EXOC4: variants seen among roughly 807,000 people sequenced by gnomAD.
The protein encoded by EXOC4 is SEC8-like 1.
Under a neutral mutation model 107.2 loss-of-function variants are expected in EXOC4, and 71 were observed. That is an observed-to-expected ratio of 0.66 (90% CI 0.55 to 0.81). The LOEUF (loss-of-function observed/expected upper bound fraction) is 0.81. EXOC4 is among the 30% of genes least tolerant of loss of function. The probability of loss-of-function intolerance (pLI) is 0.00; values close to 1 mark genes in which losing one functional copy is unlikely to be tolerated. For missense variants in EXOC4, 1,108 were observed against 1,189.6 expected (o/e 0.93, Z 1.01); for synonymous variants, 456 against 441.2 (o/e 1.03, Z -0.42).
chr7:133,731,832 A>T (rs931826059), intron 10 of EXOC4, among the ~76,000 whole-genome samples: 3 of 152,202 alleles, frequency 2.0e-5, no homozygotes, highest in African/African-American at 7.2e-5. Context: ...ATTTAAACAA[A>T]TCAGACTATG....
the EXOC4 span, among the ~76,000 whole-genome samples, chr7:134,076,702 A>C: frequency 9.4e-6 from 1 of 106,138 alleles, no homozygotes. Context: ...ATCATCTATA[A>C]TTGTATATAT....
intron 9 of EXOC4, 49 bp downstream of exon 9, chr7:133,480,187 T>G (rs917088538): frequency 6.2e-7 from 1 of 1,600,824 alleles, no homozygotes; most frequent in East Asian, 2.2e-5. Flanking sequence ...GAGGAGTATT[T>G]CCTTTATTAC....
chr7:133,573,037 A>T (rs1294216781), intron 9 of EXOC4, among the ~76,000 whole-genome samples: 1 of 152,222 alleles, frequency 6.6e-6, no homozygotes, highest in Non-Finnish European at 1.5e-5. Context: ...CAAAGCACTT[A>T]CTATATATAG....
chr7:133,761,042 TTGA>T (rs1796022300), intron 10 of EXOC4, among the ~76,000 whole-genome samples: 1 of 152,178 alleles, frequency 6.6e-6, no homozygotes, highest in South Asian at 2.1e-4. Context: ...GTTCAGCCTA[TTGA>T]TGATAAGTGA....
intron 9 of EXOC4, chr7:133,480,855 A>G (rs989883819): frequency 1.3e-5 from 2 of 151,878 alleles, no homozygotes; most frequent in African/African-American, 4.8e-5. Context: ...GGAGTTCAAG[A>G]CCAGCCTGGG....
intron 14 of EXOC4, among the ~76,000 whole-genome samples, chr7:133,941,254 C>T (rs1322287270): frequency 1.3e-5 from 2 of 152,038 alleles, no homozygotes; most frequent in African/African-American, 4.8e-5. Context: ...GCCTCGGCCT[C>T]CCAAAGTGCT....
rs1387442801 is a variant in EXOC4 at position 133,942,355 on chromosome 7, TTAA to T, written c.2206+4288_2206+4290del. Reference sequence around the variant, plus strand: ...CTCTTCAGAAATTAAATAATTACTATTAATGACTATTTTCTCTATAAAATATTG... The same window carrying T: ...CTCTTCAGAAATTAAATAATTACTATTGACTATTTTCTCTATAAAATATTG... On this transcript the variant is annotated intron_variant, in intron 14 of 17. Coordinates refer to ENST00000253861, the MANE Select transcript of EXOC4 (RefSeq NM_021807.4). Among the ~76,000 whole-genome samples the T allele has an allele frequency of 3.3e-5, 5 of 152,246 alleles. No homozygotes were observed. In the East Asian group the frequency reaches 9.7e-4, roughly 29 times the overall value.
chr7:134,070,676 C>T (rs1796262041), downstream of EXOC4, among the ~76,000 whole-genome samples: 1 of 152,100 alleles, frequency 6.6e-6, no homozygotes, highest in Non-Finnish European at 1.5e-5. Context: ...GACATTTACA[C>T]ACCTGGAGCA....
chr7:133,340,114 T>C (rs1041956695), intron 5 of EXOC4, among the ~76,000 whole-genome samples: 24 of 152,198 alleles, frequency 1.6e-4, no homozygotes, highest in Non-Finnish European at 7.3e-5. Flanking sequence ...GCTTTCAACT[T>C]TTTCCCATTC....
chr7:133,759,144 A>ATTTTT (rs34768347), intron 10 of EXOC4, among the ~76,000 whole-genome samples: 6 of 140,628 alleles, frequency 4.3e-5, no homozygotes, highest in Non-Finnish European at 6.2e-5. Context: ...CAACAAAAGA[A>ATTTTT]TTTTTTTTTT....
chr7:133,572,538 A>C (rs894081965), intron 9 of EXOC4, among the ~76,000 whole-genome samples: 1 of 152,186 alleles, frequency 6.6e-6, no homozygotes, highest in African/African-American at 2.4e-5. Flanking sequence ...TTTTTAAAAA[A>C]ATTGATAGTC....
chr7:133,307,599 A>C (rs1337272071), intron 4 of EXOC4, among the ~76,000 whole-genome samples: 1 of 152,250 alleles, frequency 6.6e-6, no homozygotes, highest in African/African-American at 2.4e-5. Context: ...GGTTTCTCAA[A>C]AAATACAAGA....
At chr7:133,471,018 C>A (rs112912187) in intron 7 of EXOC4, among the ~76,000 whole-genome samples, 2 of 152,122 alleles carry the variant, frequency 1.3e-5, no homozygotes, top group Admixed American at 6.5e-5. Context: ...TAATACTAGG[C>A]ATCTGATGTT....
chr7:133,734,148 G>A (rs1795389154), intron 10 of EXOC4, among the ~76,000 whole-genome samples: 1 of 152,178 alleles, frequency 6.6e-6, no homozygotes, highest in Non-Finnish European at 1.5e-5. Flanking sequence ...ATTTGTACAG[G>A]TAAGTTGTTT....
intron 9 of EXOC4, chr7:133,576,715 C>T (rs1801138221): frequency 7.8e-7 from 1 of 1,289,572 alleles, no homozygotes; most frequent in Admixed American, 2.3e-5. Flanking sequence ...AGACTTGTTG[C>T]CAACATGGAG....
chr7:133,447,097 T>C (rs1057197011), intron 7 of EXOC4, among the ~76,000 whole-genome samples: 2 of 152,150 alleles, frequency 1.3e-5, no homozygotes, highest in African/African-American at 4.8e-5. Context: ...AGCTTTAGTT[T>C]TCAGTTTTGA....
At chr7:133,489,954 C>A (rs1202228252) in intron 9 of EXOC4, among the ~76,000 whole-genome samples, 1 of 152,132 alleles carries the variant, frequency 6.6e-6, no homozygotes, top group Non-Finnish European at 1.5e-5. Context: ...TTAATTCTGG[C>A]TAATAGGATG....
At chr7:133,371,753 G>C (rs1418435700) in intron 6 of EXOC4, among the ~76,000 whole-genome samples, 3 of 152,180 alleles carry the variant, frequency 2.0e-5, no homozygotes, top group African/African-American at 7.2e-5. Flanking sequence ...ATATAGCTAG[G>C]AATGGAATCA....
intron 17 of EXOC4, among the ~76,000 whole-genome samples, chr7:134,032,922 A>G (rs901534411): frequency 2.6e-5 from 4 of 152,242 alleles, no homozygotes; most frequent in African/African-American, 9.6e-5. Context: ...ATTTTTAACA[A>G]AGCTTGTAAG....
Sources: gnomAD v4.1 joint callset for allele counts (sites outside exome capture counted in the v4.1 genomes callset) on GRCh38, gnomAD v4.1.1 for gene constraint, MANE v1.5 for transcripts, NCBI Gene and HGNC (gene_info 2026-07-23, HGNC 2026-07-21) for gene names.